ACOT7: variants seen among roughly 807,000 people sequenced by gnomAD.
The protein encoded by ACOT7 is cytosolic acyl coenzyme A thioester hydrolase.
Under a neutral mutation model 40.2 loss-of-function variants are expected in ACOT7, and 12 were observed. The observed-to-expected ratio is 0.30, with a 90% CI of 0.19 to 0.48. The LOEUF is 0.48. Ranked by LOEUF, ACOT7 falls within the 20% of genes least tolerant of loss-of-function variation. The pLI, the probability that ACOT7 is intolerant of heterozygous loss-of-function variation, is 0.99. For synonymous variants in ACOT7, 228 were observed against 219.5 expected, an observed-to-expected ratio of 1.04 and a Z score of -0.34; for missense variants, 395 against 530.8, an observed-to-expected ratio of 0.74 and a Z score of 2.51.
At chr1:6,318,357 A>G in intron 6 of ACOT7, 135 bp downstream of exon 6, 1 of 962,970 alleles carries the variant, frequency 1.0e-6, no homozygotes, top group Non-Finnish European at 1.6e-6. Flanking sequence ...CACCTGGCCT[A>G]TTGTACAACT....
chr1:6,366,043 C>T (rs1233799467), intron 1 of ACOT7, among the ~76,000 whole-genome samples: 4 of 151,792 alleles, frequency 2.6e-5, no homozygotes, highest in South Asian at 2.1e-4. Context: ...TACAGGCACG[C>T]GTCACCACGC....
intron 8 of ACOT7, among the ~76,000 whole-genome samples, chr1:6,270,266 T>TG (rs1245749954): frequency 2.0e-5 from 3 of 152,306 alleles, no homozygotes; most frequent in Admixed American, 1.3e-4. Context: ...AGTAAATAAA[T>TG]GCATACGCTG....
Position 6,282,818 on chromosome 1 carries a change from G to A in ACOT7, c.830-1532C>T. On this transcript the variant is annotated intron_variant, in intron 7 of 8. Transcript: ENST00000361521. This position sits in a 1 kb window ranked among gnomAD's most constrained non-coding sequence, Gnocchi z 4.5. ...TGAGCTGTAAGGTACAGAGTCCCAT[G>A]CAAAGCGCCCGCAGTCACAAGACGC... 1 of 1,303,662 alleles carries A rather than the reference G, an allele frequency of 7.7e-7. No individual in the cohort carries two copies. The highest frequency in any genetic ancestry group is 1.0e-6 in the Non-Finnish European group (1 of 988,416). The allele number at this position is 1,303,662 out of a possible 1,614,324, so 80.8% of individuals were successfully genotyped here.
At chr1:6,385,496 T>A (rs1288449144) in intron 1 of ACOT7, 2 of 1,608,050 alleles carry the variant, frequency 1.2e-6, no homozygotes, top group Non-Finnish European at 1.7e-6. Flanking sequence ...CATCCTACCT[T>A]CCAGTAATGC....
intron 4 of ACOT7, among the ~76,000 whole-genome samples, chr1:6,331,392 C>T (rs1021506564): frequency 5.3e-5 from 8 of 152,258 alleles, no homozygotes; most frequent in Admixed American, 5.2e-4. Flanking sequence ...GTGACGCAGC[C>T]TCAGCCAAGG....
At chr1:6,320,513 C>T (rs978189047) in intron 5 of ACOT7, among the ~76,000 whole-genome samples, 2 of 152,186 alleles carry the variant, frequency 1.3e-5, no homozygotes, top group East Asian at 1.9e-4. Flanking sequence ...CCTTTGGTCC[C>T]GTAGCTCCAT....
chr1:6,347,887 G>A (rs1641478470), intron 2 of ACOT7, among the ~76,000 whole-genome samples: 1 of 152,052 alleles, frequency 6.6e-6, no homozygotes, highest in East Asian at 1.9e-4. Flanking sequence ...CTGACCAAAT[G>A]GCAGCAAAAT....
intron 1 of ACOT7, among the ~76,000 whole-genome samples, chr1:6,351,617 C>T (rs554714424): frequency 6.6e-5 from 10 of 152,184 alleles, no homozygotes; most frequent in Admixed American, 2.0e-4. Context: ...TGGGTGGGTG[C>T]GGAGAGCAGG....
intron 8 of ACOT7, among the ~76,000 whole-genome samples, chr1:6,279,294 G>A (rs1639286979): frequency 2.0e-5 from 3 of 152,286 alleles, no homozygotes; most frequent in Admixed American, 2.0e-4. Flanking sequence ...GCCAAGGGCC[G>A]ATGGGTGGCA....
chr1:6,387,905 G>C (rs1448343887), intron 1 of ACOT7, among the ~76,000 whole-genome samples: 9 of 151,948 alleles, frequency 5.9e-5, no homozygotes, highest in Admixed American at 5.9e-4. Context: ...TACAAGCTCT[G>C]AGTGTGGCTT....
chr1:6,335,818 A>G (rs1300844190), intron 3 of ACOT7, among the ~76,000 whole-genome samples: 1 of 152,184 alleles, frequency 6.6e-6, no homozygotes, highest in African/African-American at 2.4e-5. Flanking sequence ...ACAGGCAAAT[A>G]ATATGGGAAA....
rs1640343205 is a variant in ACOT7 at position 6,311,968 on chromosome 1, T to C, written c.712+6524A>G. Among the ~76,000 whole-genome samples, 1 of 152,062 alleles carries C rather than the reference T, an allele frequency of 6.6e-6. No individual in the cohort carries two copies. The highest frequency in any genetic ancestry group is 1.5e-5 in the Non-Finnish European group (1 of 68,002). ...GGTTTTAAGAGTTCCCCAAGTGACC[T>C]TAATAGGCAGCAGAGACGAGGTCAC... On this transcript the variant is annotated intron_variant, in intron 6 of 8. Transcript: ENST00000361521. This position sits in a 1 kb window ranked among gnomAD's most constrained non-coding sequence, Gnocchi z 5.2.
At chr1:6,367,661 G>C (rs955028627) in intron 1 of ACOT7, among the ~76,000 whole-genome samples, 17 of 152,182 alleles carry the variant, frequency 1.1e-4, no homozygotes, top group Non-Finnish European at 1.2e-4. Context: ...GCTTGGTGAC[G>C]CCAGGAACTG....
intron 1 of ACOT7, among the ~76,000 whole-genome samples, chr1:6,364,059 G>A (rs574691648): frequency 4.6e-5 from 7 of 151,980 alleles, no homozygotes; most frequent in African/African-American, 1.7e-4. Flanking sequence ...GCGAGACCTT[G>A]TCTCAAAAAA....
chr1:6,368,211 C>A (rs1333867436), intron 1 of ACOT7, among the ~76,000 whole-genome samples: 1 of 152,146 alleles, frequency 6.6e-6, no homozygotes, highest in Non-Finnish European at 1.5e-5. Flanking sequence ...CCCTTCTACC[C>A]AGGAGCCTGT....
chr1:6,343,603 A>G (rs1641336896), intron 2 of ACOT7, among the ~76,000 whole-genome samples: 1 of 152,260 alleles, frequency 6.6e-6, no homozygotes. Context: ...GTATGTGGCT[A>G]TGGCGCCACC....
chr1:6,287,290 C>G (rs1339545494), intron 7 of ACOT7, among the ~76,000 whole-genome samples: 2 of 152,256 alleles, frequency 1.3e-5, no homozygotes, highest in African/African-American at 4.8e-5. Context: ...GCTGGGGACA[C>G]CAAAGCATGG....
At chr1:6,367,736 G>A (rs964972573) in intron 1 of ACOT7, among the ~76,000 whole-genome samples, 2 of 152,178 alleles carry the variant, frequency 1.3e-5, no homozygotes, top group African/African-American at 4.8e-5. Context: ...CTCCCCAAAG[G>A]GCCACAGCTC....
intron 5 of ACOT7, among the ~76,000 whole-genome samples, chr1:6,321,386 A>T (rs1385070229): frequency 6.6e-6 from 1 of 152,138 alleles, no homozygotes; most frequent in African/African-American, 2.4e-5. Context: ...CGTTCTTTCC[A>T]AGTGTCACGC....
Sources: gnomAD v4.1 joint callset for allele counts (sites outside exome capture counted in the v4.1 genomes callset) on GRCh38, gnomAD v4.1.1 for gene constraint, Gnocchi (gnomAD v3.1) non-coding constraint, MANE v1.5 for transcripts, NCBI Gene and HGNC (gene_info 2026-07-23, HGNC 2026-07-21) for gene names.